The following PCGF3 variants were observed in gnomAD, a reference collection of about 807,000 sequenced individuals.
The protein encoded by PCGF3 is polycomb group ring finger 3.
A neutral mutation model predicts 33.1 loss-of-function variants in PCGF3; 7 were observed. The observed-to-expected ratio is 0.21, with a 90% confidence interval of 0.12 to 0.40. The LOEUF (loss-of-function observed/expected upper bound fraction) is 0.40. Ranked by LOEUF, PCGF3 falls within the 10% of genes least tolerant of loss-of-function variation. The pLI is 1.00. For missense variants in PCGF3, 211 were observed against 313.3 expected (o/e 0.67, Z 2.46); for synonymous variants, 153 against 121.3 (o/e 1.26, Z -1.72).
At chr4:734,420 A>G (rs1743747660) in intron 4 of PCGF3, 53 of 1,328,018 alleles carry the variant, frequency 4.0e-5, no homozygotes, top group Non-Finnish European at 5.1e-5. Flanking sequence ...CGCTTATAAT[A>G]CAAGTGATGC....
intron 3 of PCGF3, among the ~76,000 whole-genome samples, chr4:733,239 A>G (rs1743689984): frequency 6.6e-6 from 1 of 152,254 alleles, no homozygotes. Context: ...TCGCGCTGTG[A>G]GCCGCAGAGG....
intron 5 of PCGF3, among the ~76,000 whole-genome samples, chr4:735,330 T>C (rs1743780433): frequency 6.6e-6 from 1 of 152,230 alleles, no homozygotes; most frequent in Non-Finnish European, 1.5e-5. Flanking sequence ...GCAGATCACC[T>C]GAGGTCAGGA....
chr4:764,393 C>CTG (rs1433909689), intron 9 of PCGF3: 1 of 152,398 alleles, frequency 6.6e-6, no homozygotes, highest in Non-Finnish European at 1.5e-5. Flanking sequence ...GGAGAGGGTG[C>CTG]CCCTGGAGGC....
chr4:756,288 C>T (rs2152612595), intron 8 of PCGF3, among the ~76,000 whole-genome samples: 1 of 151,578 alleles, frequency 6.6e-6, no homozygotes, highest in East Asian at 2.0e-4. Flanking sequence ...TCTCGGCTCA[C>T]TGCAACCTCT....
rs752215085 is a variant in PCGF3, at chr4:764,970, T to A, written c.601-14T>A. 16 of 1,608,722 alleles carry A rather than the reference T, an allele frequency of 9.9e-6. 1 individual carries two copies. The Admixed American group carries it at 2.5e-4, about 25-fold the overall frequency. ...GCACCTCTCCGCTGCTAATCAAACC[T>A]CCTTATCCCCCAGCTGGACATTTTA... On this transcript the variant is annotated splice_polypyrimidine_tract_variant and intron_variant, in intron 9 of 10. Coordinates refer to ENST00000362003, the Ensembl canonical transcript of PCGF3.
intron 6 of PCGF3, among the ~76,000 whole-genome samples, chr4:738,350 T>G (rs191939474): frequency 1.4e-4 from 21 of 152,378 alleles, no homozygotes; most frequent in Admixed American, 1.4e-3. Flanking sequence ...CAGGAAGAAT[T>G]TAGATTTCCT....
chr4:752,764 G>A (rs1463111368), intron 8 of PCGF3, among the ~76,000 whole-genome samples: 7 of 152,240 alleles, frequency 4.6e-5, no homozygotes, highest in Admixed American at 1.3e-4. Flanking sequence ...CTGGGCAGAC[G>A]GGAGGGGCCT....
intron 8 of PCGF3, among the ~76,000 whole-genome samples, chr4:755,932 T>TTTTTTTTG (rs1560215735): frequency 8.9e-6 from 1 of 112,582 alleles, no homozygotes; most frequent in African/African-American, 4.5e-5. Flanking sequence ...TTTTTTTTTT[T>TTTTTTTTG]GGAGATGGAG....
chr4:769,612 A>G (rs1326891076), exon 11 of PCGF3: 1 of 151,458 alleles, frequency 6.6e-6, no homozygotes, highest in Non-Finnish European at 1.5e-5. Context: ...CCACGTGGCC[A>G]AGGCCCTGCA....
At chr4:749,798 T>C (rs1215286379) in intron 8 of PCGF3, among the ~76,000 whole-genome samples, 1 of 152,180 alleles carries the variant, frequency 6.6e-6, no homozygotes, top group Non-Finnish European at 1.5e-5. Context: ...ACTTTTTTTT[T>C]TCTGACATCT....
chr4:759,954 G>A (rs912130949), intron 8 of PCGF3, among the ~76,000 whole-genome samples: 3 of 151,544 alleles, frequency 2.0e-5, no homozygotes, highest in East Asian at 1.9e-4. Context: ...TTCTCCCCAC[G>A]GCCTCTCTCC....
At chr4:712,689 G>A (rs1323991188) in intron 1 of PCGF3, among the ~76,000 whole-genome samples, 2 of 152,026 alleles carry the variant, frequency 1.3e-5, no homozygotes, top group African/African-American at 4.8e-5. Context: ...CTCATGACCC[G>A]CCCGCCTTGG....
At chr4:713,545 C>T (rs111817526) in intron 1 of PCGF3, among the ~76,000 whole-genome samples, 8 of 60,458 alleles carry the variant, frequency 1.3e-4, no homozygotes, top group Non-Finnish European at 2.8e-4. Flanking sequence ...TGTGTGGCCT[C>T]GTCAGGGCTG....
intron 1 of PCGF3, among the ~76,000 whole-genome samples, chr4:725,495 T>C (rs930739750): frequency 2.8e-5 from 4 of 142,864 alleles, no homozygotes; most frequent in Non-Finnish European, 6.1e-5. Flanking sequence ...GAGGAGGGAG[T>C]AGGAACGGGC....
chr4:737,285 C>T (rs917305614), intron 5 of PCGF3, among the ~76,000 whole-genome samples, 181 bp from the exon 6 acceptor site: 14 of 152,202 alleles, frequency 9.2e-5, no homozygotes, highest in Admixed American at 2.0e-4. Flanking sequence ...AGTTAAATGA[C>T]GCGTTAATTC....
At chr4:761,490 C>T (rs1456377135) in intron 9 of PCGF3, 74 bp downstream of exon 9, 1 of 1,459,028 alleles carries the variant, frequency 6.9e-7, no homozygotes, top group Non-Finnish European at 9.2e-7. Flanking sequence ...AGATTCTTTG[C>T]TTAGTTTTGT....
At chr4:763,328 G>T (rs1745173671) in intron 9 of PCGF3, among the ~76,000 whole-genome samples, 1 of 152,142 alleles carries the variant, frequency 6.6e-6, no homozygotes, top group Non-Finnish European at 1.5e-5. Context: ...AGGGGGTGGG[G>T]AAGAGGTTGG....
intron 6 of PCGF3, among the ~76,000 whole-genome samples, chr4:738,863 A>C (rs1337443980): frequency 7.3e-6 from 1 of 137,420 alleles, no homozygotes; most frequent in African/African-American, 2.6e-5. Flanking sequence ...CGTCTCAAAA[A>C]AATAAATAAA....
chr4:754,122 G>A (rs1324727982), intron 8 of PCGF3, among the ~76,000 whole-genome samples: 1 of 152,136 alleles, frequency 6.6e-6, no homozygotes, highest in Non-Finnish European at 1.5e-5. Context: ...CCCTTACCGG[G>A]CCTGTTGACT....
Sources: allele counts gnomAD v4.1 joint callset (sites outside exome capture counted in the v4.1 genomes callset), GRCh38; gene constraint gnomAD v4.1.1; transcripts MANE v1.5; gene names NCBI Gene and HGNC (gene_info 2026-07-23, HGNC 2026-07-21).